The following FMN2 variants were observed in gnomAD, a reference collection of about 807,000 sequenced individuals.
FMN2 encodes formin-2.
A neutral mutation model predicts 142.3 loss-of-function variants in FMN2; 51 were observed. That is an observed-to-expected ratio of 0.36 (90% CI 0.29 to 0.45). FMN2 has a LOEUF of 0.45. Among genes scored for constraint, FMN2 ranks in the 20% least tolerant of loss-of-function variants. The probability of loss-of-function intolerance (pLI) is 1.00; values close to 1 mark genes in which losing one functional copy is unlikely to be tolerated. For missense variants in FMN2, 1,936 were observed against 2,122.8 expected (o/e 0.91, Z 1.73); for synonymous variants, 882 against 869.8 (o/e 1.01, Z -0.25).
chr1:240,269,782 A>T (rs538645822), intron 7 of FMN2, among the ~76,000 whole-genome samples: 1 of 151,748 alleles, frequency 6.6e-6, no homozygotes, highest in Non-Finnish European at 1.5e-5. Flanking sequence ...ATTTTCTCCT[A>T]AGTATTTTTT....
At chr1:240,312,118 G>A (rs1216650439) in intron 8 of FMN2, among the ~76,000 whole-genome samples, 1 of 152,168 alleles carries the variant, frequency 6.6e-6, no homozygotes, top group Non-Finnish European at 1.5e-5. Flanking sequence ...AGGCGGGTAG[G>A]TTCTCTGAGC....
chr1:240,213,678 G>A lies in FMN2; in HGVS notation c.4065+2443G>A, dbSNP rs1188600032. ...AAAATTAATAGCCTTTAATGCCGTGGCATATGTTTATGGAGGTATTTCAAG... is the reference window on the plus strand; with the variant it reads ...AAAATTAATAGCCTTTAATGCCGTGACATATGTTTATGGAGGTATTTCAAG... On this transcript the variant is annotated intron_variant, in intron 6 of 17. Transcript: ENST00000319653. 2.0e-5 allele frequency among the ~76,000 whole-genome samples: 3 copies of A among 152,212 alleles called. No homozygotes were observed. The East Asian group carries it at 5.8e-4, about 29-fold the overall frequency.
chr1:240,329,811 T>TTTA (rs200344013), intron 10 of FMN2, among the ~76,000 whole-genome samples: 2 of 151,884 alleles, frequency 1.3e-5, no homozygotes, highest in Non-Finnish European at 2.9e-5. Flanking sequence ...CTTTTTTTTT[T>TTTA]ACTTTCTTTC....
intron 1 of FMN2, among the ~76,000 whole-genome samples, chr1:240,104,061 G>A (rs1408903267): frequency 6.6e-6 from 1 of 151,386 alleles, no homozygotes; most frequent in East Asian, 1.9e-4. Flanking sequence ...TGTATTTTTA[G>A]TAGAGACGAG....
In FMN2 at chr1:240,449,825, T is replaced by C. The variant is rs560278732; in HGVS notation, c.5060+11615T>C. 1.6e-4 allele frequency among the ~76,000 whole-genome samples: 24 copies of C among 152,278 alleles called. No individual in the cohort carries two copies. In the South Asian group the frequency reaches 5.0e-3, roughly 32 times the overall value. On this transcript the variant is annotated intron_variant, in intron 16 of 17. Transcript: ENST00000319653. ...ACAAATAAAAATTATATGCATAAGG[T>C]TATACAAAGTGATGTCTTGATATAC...
At chr1:240,317,078 G>T (rs12117886) in intron 8 of FMN2, among the ~76,000 whole-genome samples, 3 of 151,890 alleles carry the variant, frequency 2.0e-5, no homozygotes, top group Non-Finnish European at 2.9e-5. Flanking sequence ...AGGCTGAGGC[G>T]GGCTGATCAC....
chr1:240,208,588 T>TG lies in FMN2; in HGVS notation c.3777dup (p.Cys1260ValfsTer24). The TG allele has an allele frequency of 2.5e-6, 4 of 1,613,432 alleles. No individual in the cohort carries two copies. Among genetic ancestry groups the TG allele is most frequent in the Non-Finnish European group, 3.4e-6 (4 of 1,179,914 alleles). ...AGTAGCACTTTACCAACCCCACAGG[T>TG]GTGTGGATTTCTTCCTCCTCCATTG... is the stretch of plus-strand genomic sequence containing the variant. On this transcript the variant is annotated frameshift_variant, in exon 5 of 18. Coordinates refer to ENST00000319653, the MANE Select transcript of FMN2 (RefSeq NM_020066.5). LOFTEE classifies it high-confidence loss of function.
chr1:240,130,450 A>G (rs1362470189), intron 2 of FMN2, among the ~76,000 whole-genome samples: 7 of 152,080 alleles, frequency 4.6e-5, no homozygotes, highest in Non-Finnish European at 7.4e-5. Flanking sequence ...TTACAGGTGG[A>G]TGCTACCACG....
rs151012138 is a variant in FMN2, at chr1:240,197,768, T to C, written c.1987-9031T>C. On this transcript the variant is annotated intron_variant, in intron 4 of 17. Transcript: ENST00000319653. ...TTAAGGAACCTGGGTACCTCCCAGG[T>C]TCAAGCAATTCTGCCTCAGCCTCCA... Among the ~76,000 whole-genome samples the C allele has an allele frequency of 2.3e-3, 336 of 143,852 alleles. 8 individuals carry two copies. The highest frequency in any genetic ancestry group is 8.9e-3 in the African/African-American group (301 of 33,768). 94.4% of individuals were successfully genotyped at this position (143,852 alleles called of 152,430 possible).
intron 8 of FMN2, 111 bp from the exon 9 acceptor site, chr1:240,328,965 T>C (rs964643180): frequency 1.1e-6 from 1 of 873,996 alleles, no homozygotes; most frequent in Non-Finnish European, 1.8e-6. Context: ...CATGAAAATA[T>C]ATAGCGTTTC....
At chr1:240,326,202 G>C (rs186044707) in intron 8 of FMN2, among the ~76,000 whole-genome samples, 2 of 152,168 alleles carry the variant, frequency 1.3e-5, no homozygotes, top group African/African-American at 2.4e-5. Flanking sequence ...GAGAGAAAAA[G>C]AGAAACTATG....
chr1:240,370,195 G>T (rs1672817302), intron 14 of FMN2, among the ~76,000 whole-genome samples: 1 of 152,016 alleles, frequency 6.6e-6, no homozygotes, highest in South Asian at 2.1e-4. Context: ...TGGCCTCAGA[G>T]AATTTTCCTT....
At chr1:240,409,232 T>C (rs765522140) in intron 15 of FMN2, among the ~76,000 whole-genome samples, 90 of 152,240 alleles carry the variant, frequency 5.9e-4, no homozygotes, top group Non-Finnish European at 1.0e-3. Flanking sequence ...AACCCTCGCC[T>C]CTTGGGTTCA....
intron 15 of FMN2, among the ~76,000 whole-genome samples, chr1:240,409,287 G>A (rs1234065080): frequency 6.6e-6 from 1 of 151,970 alleles, no homozygotes; most frequent in African/African-American, 2.4e-5. Flanking sequence ...GACCGCAGGC[G>A]TACACCACCA....
intron 7 of FMN2, among the ~76,000 whole-genome samples, chr1:240,280,338 A>G (rs1034741374): frequency 6.6e-5 from 10 of 150,990 alleles, no homozygotes; most frequent in Non-Finnish European, 1.0e-4. Flanking sequence ...TCAGTGAGAC[A>G]TGTTTGTGTA....
chr1:240,433,289 A>T (rs1405712830), intron 15 of FMN2, among the ~76,000 whole-genome samples: 4 of 152,180 alleles, frequency 2.6e-5, no homozygotes, highest in Non-Finnish European at 4.4e-5. Context: ...TAGTGTTTTT[A>T]CGTAGCTTTT....
At chr1:240,266,736 T>C (rs1223203188) in intron 7 of FMN2, among the ~76,000 whole-genome samples, 1 of 151,872 alleles carries the variant, frequency 6.6e-6, no homozygotes, top group African/African-American at 2.4e-5. Flanking sequence ...AGCATGGTAC[T>C]GGTACAAAAA....
At chr1:240,263,926 T>C in intron 7 of FMN2, among the ~76,000 whole-genome samples, 1 of 152,182 alleles carries the variant, frequency 6.6e-6, no homozygotes, top group African/African-American at 2.4e-5. Context: ...TTGCTGAAAT[T>C]TCTATCCTGT....
At chr1:240,373,599 A>C (rs1185687368) in intron 14 of FMN2, among the ~76,000 whole-genome samples, 1 of 152,184 alleles carries the variant, frequency 6.6e-6, no homozygotes, top group East Asian at 1.9e-4. Context: ...CATTCATAAG[A>C]AGCAACTCCT....
Sources: gnomAD v4.1 joint callset for allele counts (sites outside exome capture counted in the v4.1 genomes callset) on GRCh38, gnomAD v4.1.1 for gene constraint, MANE v1.5 for transcripts, NCBI Gene and HGNC (gene_info 2026-07-23, HGNC 2026-07-21) for gene names.